Variants in RAB30 observed in about 807,000 individuals in gnomAD.
The protein encoded by RAB30 is RAB30, member RAS oncogene family, also known as ras-related protein Rab-30.
In RAB30, 9 loss-of-function variants were observed where a neutral mutation model predicts 25.1. The observed-to-expected ratio is 0.36, with a 90% CI of 0.22 to 0.63. The LOEUF is 0.63. Ranked by LOEUF, RAB30 falls within the 20% of genes least tolerant of loss-of-function variation. The pLI is 0.69. For synonymous variants in RAB30, 77 were observed against 86.4 expected, an observed-to-expected ratio of 0.89 and a Z score of 0.60; for missense variants, 140 against 243.5, an observed-to-expected ratio of 0.58 and a Z score of 2.83.
intron 1 of RAB30, among the ~76,000 whole-genome samples, chr11:83,028,967 T>A (rs1478188798): frequency 1.3e-5 from 2 of 152,106 alleles, no homozygotes; most frequent in East Asian, 3.9e-4. Context: ...GAGGCTACAA[T>A]GAGCTGTTTC....
intron 1 of RAB30, among the ~76,000 whole-genome samples, chr11:83,064,851 A>G (rs1223217620): frequency 6.6e-6 from 1 of 152,136 alleles, no homozygotes; most frequent in Non-Finnish European, 1.5e-5. Context: ...CTCCCATTCA[A>G]ATTTCCCCGA....
At chr11:83,065,641 T>C (rs1858678358) in intron 1 of RAB30, among the ~76,000 whole-genome samples, 1 of 152,226 alleles carries the variant, frequency 6.6e-6, no homozygotes, top group African/African-American at 2.4e-5. Flanking sequence ...AATCAGGTTG[T>C]GTAGTTACAC....
chr11:83,018,070 G>C (rs748580370), intron 1 of RAB30, among the ~76,000 whole-genome samples: 1 of 152,296 alleles, frequency 6.6e-6, no homozygotes, highest in East Asian at 1.9e-4. Context: ...GGAGGCCAAG[G>C]CAGGTGGATC....
chr11:83,025,304 C>T (rs550067764), intron 1 of RAB30, among the ~76,000 whole-genome samples: 6 of 152,136 alleles, frequency 3.9e-5, no homozygotes, highest in Non-Finnish European at 5.9e-5. Context: ...TTTAATCAAA[C>T]GAAGGAAACA....
chr11:83,032,202 C>A (rs1857880497), intron 1 of RAB30, among the ~76,000 whole-genome samples: 1 of 152,150 alleles, frequency 6.6e-6, no homozygotes, highest in Non-Finnish European at 1.5e-5. Flanking sequence ...CCTTTTAAAC[C>A]CCCTGGGAAT....
chr11:83,028,179 G>C (rs1413678474), intron 1 of RAB30, among the ~76,000 whole-genome samples: 1 of 152,052 alleles, frequency 6.6e-6, no homozygotes, highest in African/African-American at 2.4e-5. Context: ...CTATATAAAG[G>C]AAACATAGAG....
At chr11:83,012,821 T>C (rs1275501192) in intron 1 of RAB30, among the ~76,000 whole-genome samples, 1 of 152,176 alleles carries the variant, frequency 6.6e-6, no homozygotes, top group Non-Finnish European at 1.5e-5. Context: ...TTTCAGGCTT[T>C]GCTTCTCATG....
At chr11:82,994,754 G>A (rs1213126845) in intron 2 of RAB30, among the ~76,000 whole-genome samples, 1 of 152,120 alleles carries the variant, frequency 6.6e-6, no homozygotes, top group East Asian at 1.9e-4. Context: ...TACCATGCAT[G>A]TGTAATTACA....
chr11:82,988,044 TA>T (rs1025690582), intron 3 of RAB30, among the ~76,000 whole-genome samples: 1 of 151,834 alleles, frequency 6.6e-6, no homozygotes, highest in Non-Finnish European at 1.5e-5. Context: ...TTTTCATTCT[TA>T]AAAAAATACA....
intron 1 of RAB30, among the ~76,000 whole-genome samples, chr11:83,068,510 T>C (rs182362679): frequency 2.9e-4 from 44 of 152,306 alleles, no homozygotes; most frequent in Non-Finnish European, 5.6e-4. Context: ...TCTAGTTTTT[T>C]AAAGCCAGGC....
At chr11:83,009,749 G>A (rs962037796) in intron 1 of RAB30, among the ~76,000 whole-genome samples, 7 of 152,176 alleles carry the variant, frequency 4.6e-5, no homozygotes, top group Admixed American at 1.3e-4. Flanking sequence ...ACATTAACAG[G>A]TGAAGTAGAA....
intron 3 of RAB30, among the ~76,000 whole-genome samples, chr11:82,988,056 T>C (rs1356761742): frequency 1.3e-5 from 2 of 152,046 alleles, no homozygotes; most frequent in Non-Finnish European, 1.5e-5. Flanking sequence ...AAAAAATACA[T>C]ATAGGAAATT....
At chr11:83,063,292 A>C (rs1181852946) in intron 1 of RAB30, among the ~76,000 whole-genome samples, 2 of 152,232 alleles carry the variant, frequency 1.3e-5, no homozygotes, top group Non-Finnish European at 2.9e-5. Flanking sequence ...ATATTTTAAA[A>C]GTGGAGCTTA....
chr11:83,027,671 T>A (rs984430992), intron 1 of RAB30, among the ~76,000 whole-genome samples: 7 of 152,108 alleles, frequency 4.6e-5, no homozygotes, highest in African/African-American at 1.7e-4. Context: ...AGGAACTAAA[T>A]GAAAAAAAAT....
At chr11:83,066,701 C>G (rs1156235217) in intron 1 of RAB30, among the ~76,000 whole-genome samples, 2 of 152,260 alleles carry the variant, frequency 1.3e-5, no homozygotes, top group African/African-American at 4.8e-5. Flanking sequence ...CAGGCATGCA[C>G]CACTACACCC....
chr11:82,984,931 G>T (rs1419184008), intron 4 of RAB30, among the ~76,000 whole-genome samples: 1 of 152,184 alleles, frequency 6.6e-6, no homozygotes, highest in African/African-American at 2.4e-5. Flanking sequence ...GGAACAATGG[G>T]AGCATCAATA....
intron 1 of RAB30, among the ~76,000 whole-genome samples, chr11:83,025,233 T>G (rs1857681877): frequency 6.6e-6 from 1 of 152,220 alleles, no homozygotes; most frequent in South Asian, 2.1e-4. Flanking sequence ...GAAAAAGCAA[T>G]GGAAGATGCT....
At chr11:83,067,794 C>A (rs1448859485) in intron 1 of RAB30, among the ~76,000 whole-genome samples, 1 of 151,922 alleles carries the variant, frequency 6.6e-6, no homozygotes, top group Non-Finnish European at 1.5e-5. Context: ...GAGTTCGAGA[C>A]CAGCCTGGCC....
intron 1 of RAB30, among the ~76,000 whole-genome samples, chr11:83,028,316 G>A (rs2121513393): frequency 6.6e-6 from 1 of 152,192 alleles, no homozygotes; most frequent in Admixed American, 6.5e-5. Flanking sequence ...TATGGAAACA[G>A]CAGAGAGAAG....
Sources: allele counts gnomAD v4.1 joint callset (sites outside exome capture counted in the v4.1 genomes callset), GRCh38; gene constraint gnomAD v4.1.1; transcripts MANE v1.5; gene names NCBI Gene and HGNC (gene_info 2026-07-23, HGNC 2026-07-21).